The following PPFIA2 variants were observed in gnomAD, a reference collection of about 807,000 sequenced individuals.
PPFIA2 encodes the protein PPFI scaffold protein A2, also known as liprin-alpha-2.
Under a neutral mutation model 175.5 loss-of-function variants are expected in PPFIA2, and 46 were observed. The observed-to-expected ratio is 0.26, with a 90% CI of 0.21 to 0.34. The LOEUF is 0.34. PPFIA2 is among the 10% of genes least tolerant of loss of function. The pLI is 1.00. For synonymous variants in PPFIA2, 568 were observed against 511.4 expected, an observed-to-expected ratio of 1.11 and a Z score of -1.49; for missense variants, 1,179 against 1,506.1, an observed-to-expected ratio of 0.78 and a Z score of 3.60.
intron 24 of PPFIA2, among the ~76,000 whole-genome samples, chr12:81,291,248 A>G (rs1382368890): frequency 6.6e-6 from 1 of 151,962 alleles, no homozygotes; most frequent in Non-Finnish European, 1.5e-5. Context: ...TATTAGTTCA[A>G]TAAACATATA....
chr12:81,612,182 T>A (rs902004521), intron 4 of PPFIA2, among the ~76,000 whole-genome samples: 3 of 151,892 alleles, frequency 2.0e-5, no homozygotes, highest in African/African-American at 7.2e-5. Context: ...CTGAGTTTAC[T>A]CATACATCCT....
chr12:81,598,021 C>T (rs1453402392), intron 4 of PPFIA2: 28 of 1,534,900 alleles, frequency 1.8e-5, no homozygotes, highest in East Asian at 9.8e-5. Flanking sequence ...TGTTCATATC[C>T]GAGAAAATCA....
At chr12:81,642,167 A>G (rs1398922770) in intron 4 of PPFIA2, among the ~76,000 whole-genome samples, 3 of 152,048 alleles carry the variant, frequency 2.0e-5, no homozygotes, top group Non-Finnish European at 2.9e-5. Flanking sequence ...GATTTCAATT[A>G]TATATATTTT....
At position 81,543,923 on chromosome 12, in the gene PPFIA2, T is replaced by C. The variant is rs530311634; in HGVS notation, c.304-86057A>G. 1.9e-3 allele frequency among the ~76,000 whole-genome samples: 291 copies of C among 152,232 alleles called. 1 individual carries two copies. Among genetic ancestry groups the C allele is most frequent in the Non-Finnish European group, 3.2e-3 (216 of 68,022 alleles). On this transcript the variant is annotated intron_variant, in intron 4 of 32. Transcript: ENST00000549396. ...GATATTCTTCCCAACACGTGACTAG[T>C]ATACTTCAAAACTGTCAAGGTCATC...
intron 3 of PPFIA2, among the ~76,000 whole-genome samples, chr12:81,722,273 CATA>C (rs2079459476): frequency 6.6e-6 from 1 of 150,982 alleles, no homozygotes. Context: ...CATACCTTGC[CATA>C]ATATTAGAAG....
intron 21 of PPFIA2, among the ~76,000 whole-genome samples, chr12:81,337,431 A>G (rs934057348): frequency 6.6e-6 from 1 of 152,154 alleles, no homozygotes; most frequent in African/African-American, 2.4e-5. Flanking sequence ...ATAGTAATTG[A>G]GTTAATTCTT....
intron 3 of PPFIA2, among the ~76,000 whole-genome samples, chr12:81,710,306 T>TCTCA (rs2077722850): frequency 6.6e-6 from 1 of 151,524 alleles, no homozygotes; most frequent in East Asian, 2.0e-4. Context: ...ACACTCTCTC[T>TCTCA]CACACACACA....
chr12:81,512,101 AT>A (rs1425395417), intron 4 of PPFIA2, among the ~76,000 whole-genome samples: 7 of 152,056 alleles, frequency 4.6e-5, no homozygotes, highest in Non-Finnish European at 8.8e-5. Context: ...GTATTGTGTG[AT>A]TTTCTTTTTC....
chr12:81,315,351 G>T (rs1178767988), intron 22 of PPFIA2, among the ~76,000 whole-genome samples: 1 of 151,848 alleles, frequency 6.6e-6, no homozygotes, highest in Non-Finnish European at 1.5e-5. Context: ...GGGTGTGGTT[G>T]TTATATGTAG....
intron 21 of PPFIA2, among the ~76,000 whole-genome samples, chr12:81,327,478 T>G (rs964762247): frequency 7.2e-5 from 11 of 152,102 alleles, no homozygotes; most frequent in African/African-American, 2.7e-4. Context: ...TTACTGTATA[T>G]CAATAAATTA....
intron 4 of PPFIA2, among the ~76,000 whole-genome samples, chr12:81,471,727 T>A (rs1273659813): frequency 1.3e-5 from 2 of 152,174 alleles, no homozygotes; most frequent in Non-Finnish European, 2.9e-5. Flanking sequence ...TCCATACTAT[T>A]TTCCATAGTG....
intron 4 of PPFIA2, among the ~76,000 whole-genome samples, chr12:81,588,046 A>C (rs1384461697): frequency 6.6e-6 from 1 of 152,014 alleles, no homozygotes; most frequent in East Asian, 1.9e-4. Context: ...TTCCCAATCT[A>C]GTGGTGCAGA....
At chr12:81,701,280 T>A (rs1467611006) in intron 3 of PPFIA2, among the ~76,000 whole-genome samples, 1 of 152,190 alleles carries the variant, frequency 6.6e-6, no homozygotes. Flanking sequence ...CTGCTGTAAC[T>A]GCTGCTATTA....
chr12:81,745,849 T>A (rs1481234790), intron 3 of PPFIA2, among the ~76,000 whole-genome samples: 4 of 152,214 alleles, frequency 2.6e-5, no homozygotes, highest in African/African-American at 9.6e-5. Context: ...TTAAGCTCTC[T>A]GAATGTTTTT....
Position 81,375,687 on chromosome 12 carries a change from G to A in PPFIA2, c.1131+109C>T, listed in dbSNP as rs942143392. 18 of 1,130,936 alleles carry A rather than the reference G, an allele frequency of 1.6e-5. No homozygotes were observed. The African/African-American group carries it at 2.4e-4, about 15-fold the overall frequency. 70.1% of individuals were successfully genotyped at this position (1,130,936 alleles called of 1,614,324 possible). A position where few individuals can be genotyped will look rare whatever the true frequency, so the allele number is the denominator to read the frequency against. On this transcript the variant is annotated intron_variant, in intron 10 of 32. Transcript: ENST00000549396. ...TTGCTAGAGAATTTCAAATTTTAGA[G>A]AATGATTACTCAAACATCTGTCAAG...
At chr12:81,316,809 C>G (rs2052465925) in intron 22 of PPFIA2, among the ~76,000 whole-genome samples, 1 of 151,442 alleles carries the variant, frequency 6.6e-6, no homozygotes, top group Non-Finnish European at 1.5e-5. Flanking sequence ...CTATATAGAC[C>G]ATTAACATTA....
At chr12:81,295,819 C>A (rs529530194) in intron 23 of PPFIA2, among the ~76,000 whole-genome samples, 2 of 147,166 alleles carry the variant, frequency 1.4e-5, no homozygotes, top group East Asian at 4.1e-4. Flanking sequence ...GGTGAAACAT[C>A]ATAATACTAA....
chr12:81,314,363 T>C (rs771879270), intron 22 of PPFIA2, among the ~76,000 whole-genome samples: 1 of 151,948 alleles, frequency 6.6e-6, no homozygotes, highest in Non-Finnish European at 1.5e-5. Context: ...ATGTCAGAAG[T>C]GTCAAGGCTA....
At chr12:81,718,836 T>C (rs1053283919) in intron 3 of PPFIA2, among the ~76,000 whole-genome samples, 20 of 151,612 alleles carry the variant, frequency 1.3e-4, no homozygotes, top group African/African-American at 3.4e-4. Flanking sequence ...AGAGGATGCA[T>C]GCTCACTGTC....
Sources: allele counts gnomAD v4.1 joint callset (sites outside exome capture counted in the v4.1 genomes callset), GRCh38; gene constraint gnomAD v4.1.1; transcripts MANE v1.5; gene names NCBI Gene and HGNC (gene_info 2026-07-23, HGNC 2026-07-21).